Variants in CSMD1 observed in about 807,000 individuals in gnomAD.
The protein encoded by CSMD1 is CUB and Sushi multiple domains 1, also known as CUB and sushi domain-containing protein 1.
CSMD1 carries 213 observed loss-of-function variants against 417.5 expected under a neutral mutation model. The ratio of observed to expected loss-of-function variants is 0.51; its 90% CI spans 0.46 to 0.57. The LOEUF is 0.57. CSMD1 is among the 20% of genes least tolerant of loss of function. CSMD1 has a pLI of 0.00. For missense variants in CSMD1, 6,923 were observed against 4,529.7 expected (o/e 1.53, Z -15.17); for synonymous variants, 2,862 against 1,736.8 (o/e 1.65, Z -16.11).
In CSMD1 at chr8:4,704,922, G is replaced by T. The variant is rs2116835790; in HGVS notation, c.86-67364C>A. ...TTAATTTTGTTTTAATAAAGTCTTA[G>T]TAAACTCCATGGGTAGTATGGTTTG... On this transcript the variant is annotated intron_variant, in intron 1 of 69. Transcript: ENST00000635120. 1.3e-5 allele frequency among the ~76,000 whole-genome samples: 2 copies of T among 152,254 alleles called. 1 individual carries two copies. Among genetic ancestry groups the T allele is most frequent in the East Asian group, 3.9e-4 (2 of 5,178 alleles).
At chr8:4,974,978 T>C (rs1339098303) in intron 1 of CSMD1, among the ~76,000 whole-genome samples, 1 of 152,216 alleles carries the variant, frequency 6.6e-6, no homozygotes, top group African/African-American at 2.4e-5. Flanking sequence ...AAATTTTATA[T>C]ATGTTAGTCT....
At chr8:4,425,375 G>T (rs1246947893) in intron 2 of CSMD1, among the ~76,000 whole-genome samples, 7 of 107,356 alleles carry the variant, frequency 6.5e-5, no homozygotes, top group African/African-American at 2.4e-4. Context: ...TCTTATTTGT[G>T]TGCCAAAAAA....
chr8:3,225,929 G>C (rs1338508654), intron 27 of CSMD1, among the ~76,000 whole-genome samples: 2 of 152,306 alleles, frequency 1.3e-5, no homozygotes, highest in East Asian at 1.9e-4. Context: ...AATAGACAAA[G>C]AGATAAAATC....
chr8:4,562,484 T>C (rs1006274406), intron 2 of CSMD1, among the ~76,000 whole-genome samples: 3 of 152,202 alleles, frequency 2.0e-5, no homozygotes, highest in Non-Finnish European at 2.9e-5. Flanking sequence ...ATTAGAAATC[T>C]TATCAGTCGT....
intron 7 of CSMD1, among the ~76,000 whole-genome samples, chr8:3,636,097 T>A (rs1797033376): frequency 6.6e-6 from 1 of 152,134 alleles, no homozygotes; most frequent in African/African-American, 2.4e-5. Context: ...CTTTTTGAAG[T>A]TTTGTGTTAA....
intron 3 of CSMD1, among the ~76,000 whole-genome samples, chr8:4,167,597 G>A (rs912262836): frequency 2.0e-5 from 3 of 152,076 alleles, no homozygotes; most frequent in African/African-American, 4.8e-5. Flanking sequence ...ATATGCAAAT[G>A]GCAGAAAAAA....
At chr8:3,428,676 C>T (rs1365867721) in intron 12 of CSMD1, among the ~76,000 whole-genome samples, 1 of 152,080 alleles carries the variant, frequency 6.6e-6, no homozygotes, top group East Asian at 1.9e-4. Flanking sequence ...AAAGAACTAT[C>T]ATATGATCCA....
intron 3 of CSMD1, among the ~76,000 whole-genome samples, chr8:4,393,959 C>T (rs991887243): frequency 2.0e-5 from 3 of 152,150 alleles, no homozygotes; most frequent in African/African-American, 7.2e-5. Flanking sequence ...GGTATTAACG[C>T]AGAATATGCC....
intron 1 of CSMD1, among the ~76,000 whole-genome samples, chr8:4,867,404 T>G (rs1367543697): frequency 2.0e-5 from 3 of 152,110 alleles, no homozygotes; most frequent in South Asian, 2.1e-4. Context: ...ATTACTAAGA[T>G]GCAGAACTTA....
intron 5 of CSMD1, among the ~76,000 whole-genome samples, chr8:3,918,721 T>C (rs1220408686): frequency 6.6e-6 from 1 of 152,104 alleles, no homozygotes; most frequent in African/African-American, 2.4e-5. Flanking sequence ...TTAATGGCAT[T>C]TGCAGCAACC....
intron 2 of CSMD1, among the ~76,000 whole-genome samples, chr8:4,587,925 C>G (rs1799785871): frequency 6.6e-6 from 1 of 152,172 alleles, no homozygotes; most frequent in South Asian, 2.1e-4. Flanking sequence ...AAACTCACTT[C>G]CAGTGATAGA....
chr8:3,521,136 T>A lies in CSMD1; in HGVS notation c.1345-27410A>T, dbSNP rs573801497. Reference sequence around the variant, plus strand: ...TTCTACCAGTCACCATTCCAGTCCATCCTACACACTGAAAATGAATGTATT... The same window carrying A: ...TTCTACCAGTCACCATTCCAGTCCAACCTACACACTGAAAATGAATGTATT... On this transcript the variant is annotated intron_variant, in intron 10 of 69. Transcript: ENST00000635120. 5.3e-5 allele frequency among the ~76,000 whole-genome samples: 8 copies of A among 150,320 alleles called. 1 individual carries two copies. In the South Asian group the frequency reaches 1.5e-3, roughly 28 times the overall value.
chr8:3,548,323 G>A (rs140082134), intron 10 of CSMD1, among the ~76,000 whole-genome samples: 3 of 151,984 alleles, frequency 2.0e-5, no homozygotes, highest in Non-Finnish European at 2.9e-5. Flanking sequence ...TAGGTAATTG[G>A]GGAACAGGTG....
chr8:3,767,078 G>C (rs542759608), intron 5 of CSMD1, among the ~76,000 whole-genome samples: 5 of 152,300 alleles, frequency 3.3e-5, no homozygotes, highest in Non-Finnish European at 2.9e-5. Context: ...CCTGCCTCCT[G>C]CAGACCCACT....
intron 37 of CSMD1, among the ~76,000 whole-genome samples, chr8:3,175,281 A>C (rs781134249): frequency 1.3e-5 from 2 of 152,170 alleles, no homozygotes; most frequent in Non-Finnish European, 2.9e-5. Context: ...AAGAGTTGTT[A>C]TATTTGTTTT....
chr8:4,058,860 A>G (rs149370011), intron 3 of CSMD1, among the ~76,000 whole-genome samples: 12,353 of 151,642 alleles, frequency 0.081, 888 homozygotes, highest in African/African-American at 0.18. Flanking sequence ...TTAACACACC[A>G]CTGTCAACAT....
At chr8:3,564,297 T>C (rs1454523302) in intron 10 of CSMD1, among the ~76,000 whole-genome samples, 1 of 151,232 alleles carries the variant, frequency 6.6e-6, no homozygotes, top group Non-Finnish European at 1.5e-5. Flanking sequence ...ACGGAGTAAA[T>C]CCTGTAAACT....
intron 17 of CSMD1, among the ~76,000 whole-genome samples, chr8:3,388,765 G>C (rs1292418339): frequency 6.6e-6 from 1 of 152,166 alleles, no homozygotes; most frequent in Non-Finnish European, 1.5e-5. Flanking sequence ...CAGTATGGCA[G>C]GAAAGCCTCC....
Position 4,720,098 on chromosome 8 carries a change from C to A in CSMD1, c.86-82540G>T, listed in dbSNP as rs367787358. On this transcript the variant is annotated intron_variant, in intron 1 of 69. Transcript: ENST00000635120. ...AATGAAATATTTTTTATGTAAAATA[C>A]CACCTCTTAATCTGTGGTTTGGAGT... is the stretch of plus-strand genomic sequence containing the variant. 1.8e-3 allele frequency among the ~76,000 whole-genome samples: 271 copies of A among 151,776 alleles called. 9 individuals carry two copies. The South Asian group carries it at 0.048, about 27-fold the overall frequency.
Sources: gnomAD v4.1 joint callset for allele counts (sites outside exome capture counted in the v4.1 genomes callset) on GRCh38, gnomAD v4.1.1 for gene constraint, MANE v1.5 for transcripts, NCBI Gene and HGNC (gene_info 2026-07-23, HGNC 2026-07-21) for gene names.